Variants in MTFR1L observed in about 807,000 individuals in gnomAD.
MTFR1L encodes mitochondrial fission regulator 1-like.
A neutral mutation model predicts 27.9 loss-of-function variants in MTFR1L; 10 were observed. That is an observed-to-expected ratio of 0.36 (90% CI 0.22 to 0.61). The LOEUF (loss-of-function observed/expected upper bound fraction) is 0.61. Ranked by LOEUF, MTFR1L falls within the 20% of genes least tolerant of loss-of-function variation. The probability of loss-of-function intolerance (pLI) is 0.73; values close to 1 mark genes in which losing one functional copy is unlikely to be tolerated. For synonymous variants in MTFR1L, 151 were observed against 139.4 expected (o/e 1.08, Z -0.58); for missense variants, 315 against 363.7 (o/e 0.87, Z 1.09).
At position 25,823,123 on chromosome 1, in the gene MTFR1L, A is replaced by G. The variant is rs755846925; in HGVS notation, c.19A>G (p.Thr7Ala). MSGMEA[T>A]VTIPIWQNKP... ...GGTTCAAATGTCAGGAATGGAAGCCACTGTGGTAAGGGGCATTCCCAGGGC... is the reference window on the plus strand; with the variant it reads ...GGTTCAAATGTCAGGAATGGAAGCCGCTGTGGTAAGGGGCATTCCCAGGGC... The change falls in exon 2 of 7, where the codon ACT (threonine) becomes GCT (alanine). Residue 7 changes from threonine (T) to alanine (A), a missense_variant. By Grantham distance (58) the Thr-to-Ala change is moderately conservative. Coordinates refer to ENST00000374303, the MANE Select transcript of MTFR1L (RefSeq NM_001099625.2). 46 of 1,614,072 alleles carry G rather than the reference A, an allele frequency of 2.8e-5. No individual in the cohort carries two copies. The highest frequency in any genetic ancestry group is 8.5e-7 in the Non-Finnish European group (1 of 1,180,016).
intron 3 of MTFR1L, among the ~76,000 whole-genome samples, chr1:25,824,770 A>G (rs988313327): frequency 3.9e-5 from 6 of 152,014 alleles, no homozygotes; most frequent in African/African-American, 1.2e-4. Flanking sequence ...CCTCAGAAGC[A>G]TCAGAAAAAA....
intron 1 of MTFR1L, chr1:25,820,712 G>A (rs771423467): frequency 4.4e-5 from 19 of 434,366 alleles, no homozygotes; most frequent in African/African-American, 2.5e-4. Flanking sequence ...CTTCTAGCCA[G>A]TGACACTTGG....
Position 25,826,411 on chromosome 1 carries a change from G to GGA in MTFR1L, c.239+1_239+2insAG. On this transcript the variant is annotated frameshift_variant and splice_region_variant. Coordinates refer to ENST00000374303, the MANE Select transcript of MTFR1L (RefSeq NM_001099625.2). LOFTEE classifies it high-confidence loss of function. This position sits in a 1 kb window ranked among gnomAD's most constrained non-coding sequence, Gnocchi z 4.1. The stretch of plus-strand genomic sequence containing the variant: ...GAAGAGGAGACATATGCCCGGGTCA[G>GGA]GTAGTTGAGGCAGTAGCTGGTCTGC... The GGA allele has an allele frequency of 1.9e-6, 3 of 1,614,134 alleles. No homozygotes were observed.
chr1:25,825,976 G>T, intron 3 of MTFR1L: 1 of 267,752 alleles, frequency 3.7e-6, no homozygotes, highest in Non-Finnish European at 7.3e-6. Flanking sequence ...TGGGACTACA[G>T]GCGTATACCA....
intron 1 of MTFR1L, 154 bp downstream of exon 1, chr1:25,820,183 G>A (rs773567641): frequency 1.7e-4 from 75 of 453,230 alleles, no homozygotes; most frequent in African/African-American, 1.3e-3. Flanking sequence ...CACTTGGCCC[G>A]GGGGAAACTG....
At chr1:25,821,407 CAGG>C (rs1344227255) in intron 1 of MTFR1L, 1 of 152,610 alleles carries the variant, frequency 6.6e-6, no homozygotes, top group African/African-American at 2.4e-5. Context: ...GGAGCCCACG[CAGG>C]AGGTGGCAGG....
chr1:25,830,202 A>T (rs1007608656), intron 6 of MTFR1L, among the ~76,000 whole-genome samples: 3 of 152,340 alleles, frequency 2.0e-5, no homozygotes, highest in South Asian at 4.1e-4. Flanking sequence ...ATGTTTTCTT[A>T]TCTCAAATTG....
chr1:25,824,283 A>G (rs2048139328), intron 3 of MTFR1L, among the ~76,000 whole-genome samples: 1 of 152,120 alleles, frequency 6.6e-6, no homozygotes, highest in African/African-American at 2.4e-5. Flanking sequence ...GTGTCTAGGG[A>G]TCCTTTAGCA....
chr1:25,828,752 C>T, intron 5 of MTFR1L, among the ~76,000 whole-genome samples: 1 of 152,094 alleles, frequency 6.6e-6, no homozygotes. Flanking sequence ...TCCTCCCATC[C>T]TCATTTTTTC....
intron 5 of MTFR1L, among the ~76,000 whole-genome samples, chr1:25,827,052 C>T (rs1394711621): frequency 1.3e-5 from 2 of 152,118 alleles, no homozygotes; most frequent in Non-Finnish European, 2.9e-5. Context: ...AACCTGTGAC[C>T]CCAGGCAGAG....
intron 1 of MTFR1L, chr1:25,822,627 C>T (rs776355810): frequency 3.9e-5 from 9 of 229,234 alleles, no homozygotes; most frequent in African/African-American, 1.2e-4. Flanking sequence ...CCTGGGTTCA[C>T]GCCATTCTCC....
rs2294226 is a variant in MTFR1L at position 25,819,958 on chromosome 1, C to T, written c.-158C>T. ...GGGGGCGGGTCAGCGGAAGTGAGGGCGGTTGAGGCTGGGCGGCCCAAGGTG... is the reference window on the plus strand; with the variant it reads ...GGGGGCGGGTCAGCGGAAGTGAGGGTGGTTGAGGCTGGGCGGCCCAAGGTG... On this transcript the variant is annotated 5_prime_UTR_variant, in exon 1 of 7. Transcript: ENST00000374303. The T allele has an allele frequency of 0.21, 65,884 of 311,036 alleles. 8,028 individuals carry two copies. Among genetic ancestry groups the T allele is most frequent in the East Asian group, 0.32 (2,296 of 7,078 alleles). 19.3% of individuals were successfully genotyped at this position (311,036 alleles called of 1,614,324 possible). A position where few individuals can be genotyped will look rare whatever the true frequency, so the allele number is the denominator to read the frequency against.
Position 25,826,501 on chromosome 1 carries a change from G to A in MTFR1L, c.239+90G>A. On this transcript the variant is annotated intron_variant, in intron 4 of 6. Transcript: ENST00000374303. This position sits in a 1 kb window ranked among gnomAD's most constrained non-coding sequence, Gnocchi z 4.1. ...AAGGAGAGAGGAATGAGAACTGTGGGCTCAGAGAGGAGCAGAACCTTACTA... is the reference window on the plus strand; with the variant it reads ...AAGGAGAGAGGAATGAGAACTGTGGACTCAGAGAGGAGCAGAACCTTACTA... 1 of 1,577,938 alleles carries A rather than the reference G, an allele frequency of 6.3e-7. No individual in the cohort carries two copies. The highest frequency in any genetic ancestry group is 8.7e-7 in the Non-Finnish European group (1 of 1,148,044).
In MTFR1L at chr1:25,826,244, G is replaced by C. The variant is rs1557442858; in HGVS notation, c.130-58G>C. 7.4e-6 allele frequency: 11 copies of C among 1,488,540 alleles called. No homozygotes were observed. Among genetic ancestry groups the C allele is most frequent in the Non-Finnish European group, 8.4e-6 (9 of 1,070,380 alleles). 92.2% of individuals were successfully genotyped at this position (1,488,540 alleles called of 1,614,324 possible). ...AGGTACCCCTCCTGTGTATTCTGCAGTTTCTGATTGGCTCATCATGGCATC... is the reference window on the plus strand; with the variant it reads ...AGGTACCCCTCCTGTGTATTCTGCACTTTCTGATTGGCTCATCATGGCATC... On this transcript the variant is annotated intron_variant, in intron 3 of 6. Coordinates refer to ENST00000374303, the MANE Select transcript of MTFR1L (RefSeq NM_001099625.2). The surrounding 1 kb of genome is among the most constrained non-coding windows in gnomAD (Gnocchi z 4.1).
rs565990935 is a variant in MTFR1L, at chr1:25,830,168, G to A, written c.773+338G>A. Among the ~76,000 whole-genome samples, 8 of 152,242 alleles carry A rather than the reference G, an allele frequency of 5.3e-5. No homozygotes were observed. In the East Asian group the frequency reaches 9.6e-4, roughly 18 times the overall value. On this transcript the variant is annotated intron_variant, in intron 6 of 6. Transcript: ENST00000374303. ...TCATGGCCCACCCTTCAAAGTGAGG[G>A]GTTGCATGACATTATGTTTTGTTAT...
Position 25,832,709 on chromosome 1 carries a change from T to G in MTFR1L, c.*683T>G, listed in dbSNP as rs2048262515. 6.4e-6 allele frequency: 1 copy of G among 155,940 alleles called. No individual in the cohort carries two copies. The highest frequency in any genetic ancestry group is 1.9e-4 in the South Asian group (1 of 5,144). The allele number at this position is 155,940 out of a possible 1,614,324, so 9.7% of individuals were successfully genotyped here. On this transcript the variant is annotated 3_prime_UTR_variant, in exon 7 of 7. Transcript: ENST00000374303. Reference sequence around the variant, plus strand: ...CTTATCAGTTCCACTGATTAAAAACTTTCTCTTCCACGGACTTTAAGCCCG... The same window carrying G: ...CTTATCAGTTCCACTGATTAAAAACGTTCTCTTCCACGGACTTTAAGCCCG...
At chr1:25,823,200 G>T (rs1274322288) in intron 2 of MTFR1L, 72 bp downstream of exon 2, 4 of 1,446,546 alleles carry the variant, frequency 2.8e-6, no homozygotes, top group Non-Finnish European at 3.9e-6. Flanking sequence ...TACTGTAAAA[G>T]GTTCTGAGAC....
intron 6 of MTFR1L, among the ~76,000 whole-genome samples, chr1:25,831,476 C>G (rs1448920639): frequency 6.6e-6 from 1 of 152,186 alleles, no homozygotes; most frequent in Non-Finnish European, 1.5e-5. Flanking sequence ...CACACCTTTT[C>G]TCCAGAACTA....
At chr1:25,827,835 C>T (rs1310857260) in intron 5 of MTFR1L, among the ~76,000 whole-genome samples, 3 of 152,168 alleles carry the variant, frequency 2.0e-5, no homozygotes, top group African/African-American at 4.8e-5. Context: ...AAGCAGTTCT[C>T]GTGCCTCTGC....
Sources: gnomAD v4.1 joint callset for allele counts (sites outside exome capture counted in the v4.1 genomes callset) on GRCh38, gnomAD v4.1.1 for gene constraint, Gnocchi (gnomAD v3.1) non-coding constraint, MANE v1.5 for transcripts, NCBI Gene and HGNC (gene_info 2026-07-23, HGNC 2026-07-21) for gene names.